The following DMD variants were observed in gnomAD, a reference collection of about 807,000 sequenced individuals.
DMD encodes mutant dystrophin.
In DMD, 63 loss-of-function variants were observed where a neutral mutation model predicts 330.1. That is an observed-to-expected ratio of 0.19 (90% confidence interval 0.16 to 0.24). DMD has a LOEUF of 0.24. Ranked by LOEUF, DMD falls within the 10% of genes least tolerant of loss-of-function variation. DMD has a pLI of 1.00. For missense variants in DMD, 3,344 were observed against 2,684.1 expected (o/e 1.25, Z -5.43); for synonymous variants, 1,223 against 959.8 (o/e 1.27, Z -5.07).
intron 41 of DMD, among the ~76,000 whole-genome samples, chrX:32,313,273 A>T (rs1328621578): frequency 9.0e-6 from 1 of 111,487 alleles, no homozygotes; most frequent in East Asian, 2.8e-4. Flanking sequence ...GTAACCCATC[A>T]CATAAACAGA....
intron 1 of DMD, among the ~76,000 whole-genome samples, chrX:33,335,486 A>G (rs1460597506): frequency 9.0e-6 from 1 of 110,828 alleles, no homozygotes; most frequent in Non-Finnish European, 1.9e-5. Flanking sequence ...CATGTCCTGT[A>G]CTTGCCAGAT....
At chrX:31,450,170 A>G (rs1272290792) in intron 59 of DMD, among the ~76,000 whole-genome samples, 2 of 111,611 alleles carry the variant, frequency 1.8e-5, no homozygotes, top group Admixed American at 9.6e-5. Flanking sequence ...ATGCTGAGCT[A>G]GTCATGAGAA....
In DMD at chrX:31,180,410, C is replaced by T; in HGVS notation, c.10046G>A (p.Gly3349Asp). ...SCFFSGRVAK[G>D]HKMHYPMVEY... ...CACCATGGGATAGTGCATTTTATGGCCTTTTGCAACTCGACCAGAAAAAAA... is the reference window on the plus strand; with the variant it reads ...CACCATGGGATAGTGCATTTTATGGTCTTTTGCAACTCGACCAGAAAAAAA... Residue 3349 changes from glycine to aspartate, a missense_variant, in exon 69 of 79, where the codon GGC becomes GAC. By Grantham distance (94) the Gly-to-Asp change is moderately conservative (BLOSUM62 -1). Transcript: ENST00000357033. 1 of 1,210,305 alleles carries T rather than the reference C, an allele frequency of 8.3e-7. No homozygotes were observed. The highest frequency in any genetic ancestry group is 1.1e-6 in the Non-Finnish European group (1 of 894,347).
chrX:33,316,863 C>T (rs939857155), intron 1 of DMD, among the ~76,000 whole-genome samples: 3 of 110,751 alleles, frequency 2.7e-5, no homozygotes, highest in African/African-American at 9.8e-5. Context: ...TGCAATATAT[C>T]CCTGAAATTA....
At chrX:32,930,650 C>G (rs1448527663) in intron 2 of DMD, among the ~76,000 whole-genome samples, 1 of 110,388 alleles carries the variant, frequency 9.1e-6, no homozygotes, top group Non-Finnish European at 1.9e-5. Flanking sequence ...TATGAAATTA[C>G]ATTCCTTTAA....
intron 30 of DMD, among the ~76,000 whole-genome samples, chrX:32,404,695 T>C (rs1341867969): frequency 9.0e-6 from 1 of 111,572 alleles, no homozygotes; most frequent in African/African-American, 3.3e-5. Flanking sequence ...AAAAAAATCA[T>C]GTATGTGAAA....
At chrX:31,434,438 A>G (rs768977726) in intron 60 of DMD, among the ~76,000 whole-genome samples, 10,771 of 94,201 alleles carry the variant, frequency 0.11, 772 homozygotes, top group East Asian at 0.31. Context: ...ACACACACAC[A>G]CACACACACA....
chrX:32,689,585 G>C (rs1002163845), intron 9 of DMD, among the ~76,000 whole-genome samples: 1 of 110,973 alleles, frequency 9.0e-6, no homozygotes, highest in Non-Finnish European at 1.9e-5. Flanking sequence ...CATTACCAAA[G>C]CCAGAAAAAG....
intron 9 of DMD, among the ~76,000 whole-genome samples, chrX:32,683,795 AAAAG>A (rs1321689027): frequency 3.6e-5 from 4 of 109,618 alleles, no homozygotes; most frequent in African/African-American, 6.6e-5. Context: ...AATAAAAAAA[AAAAG>A]AAAGAAAGAA....
chrX:31,759,101 C>A (rs1353527127), intron 51 of DMD, among the ~76,000 whole-genome samples: 2 of 111,154 alleles, frequency 1.8e-5, no homozygotes, highest in Non-Finnish European at 3.8e-5. Flanking sequence ...TGACTTTAAA[C>A]AAAGCTCATG....
At chrX:32,515,465 T>G (rs201121864) in intron 18 of DMD, among the ~76,000 whole-genome samples, 1 of 111,022 alleles carries the variant, frequency 9.0e-6, no homozygotes, top group East Asian at 2.8e-4. Flanking sequence ...AACGACTTGA[T>G]AGGGAGGGTT....
intron 78 of DMD, among the ~76,000 whole-genome samples, chrX:31,122,292 C>T (rs1352591026): frequency 1.8e-5 from 2 of 111,507 alleles, no homozygotes; most frequent in East Asian, 5.8e-4. Flanking sequence ...TGATGGGATA[C>T]ATCTTTTCCA....
At chrX:31,452,440 G>A (rs1173016746) in intron 59 of DMD, among the ~76,000 whole-genome samples, 1 of 108,915 alleles carries the variant, frequency 9.2e-6, no homozygotes, top group Non-Finnish European at 1.9e-5. Flanking sequence ...AAAATTAGCC[G>A]GGCATGGTGG....
intron 47 of DMD, among the ~76,000 whole-genome samples, chrX:31,913,802 G>C (rs1365539604): frequency 2.7e-5 from 3 of 111,617 alleles, no homozygotes; most frequent in Admixed American, 1.9e-4. Flanking sequence ...TTGGGGAAAG[G>C]CTGCTCTTAT....
At chrX:31,192,406 A>G (rs904432711) in intron 67 of DMD, among the ~76,000 whole-genome samples, 1 of 112,227 alleles carries the variant, frequency 8.9e-6, no homozygotes, top group Non-Finnish European at 1.9e-5. Flanking sequence ...GAGGTTGTAC[A>G]CAATGGTTTT....
chrX:32,614,272 G>A (rs896778227), intron 12 of DMD, 31 bp downstream of exon 12: 1 of 1,197,115 alleles, frequency 8.4e-7, no homozygotes, highest in Non-Finnish European at 1.1e-6. Context: ...TTGCTTTCTA[G>A]TAGAAAGCAC....
At chrX:33,325,136 G>A (rs2054071541) in intron 1 of DMD, among the ~76,000 whole-genome samples, 1 of 111,666 alleles carries the variant, frequency 9.0e-6, no homozygotes, top group Non-Finnish European at 1.9e-5. Flanking sequence ...GGCTTGATGT[G>A]TCTTTTAAAC....
intron 1 of DMD, among the ~76,000 whole-genome samples, chrX:33,116,512 C>T (rs889900833): frequency 2.7e-5 from 3 of 111,066 alleles, no homozygotes; most frequent in African/African-American, 9.8e-5. Flanking sequence ...TGCAGAGCTA[C>T]TGAGGTATTT....
chrX:31,861,284 G>GA (rs1021332601), intron 48 of DMD, among the ~76,000 whole-genome samples: 1 of 110,928 alleles, frequency 9.0e-6, no homozygotes, highest in African/African-American at 3.3e-5. Flanking sequence ...AGATCAAAAA[G>GA]GTTGATAACA....
Sources: allele counts gnomAD v4.1 joint callset (sites outside exome capture counted in the v4.1 genomes callset), GRCh38; gene constraint gnomAD v4.1.1; transcripts MANE v1.5; gene names NCBI Gene and HGNC (gene_info 2026-07-23, HGNC 2026-07-21).